Variants in ZNF606 observed in about 807,000 individuals in gnomAD.
ZNF606 encodes the protein zinc finger protein 328.
In ZNF606, 37 loss-of-function variants were observed where a neutral mutation model predicts 74.9. The observed-to-expected ratio is 0.49, with a 90% CI of 0.38 to 0.65. The LOEUF (loss-of-function observed/expected upper bound fraction) is 0.65. Among genes scored for constraint, ZNF606 ranks in the 30% least tolerant of loss-of-function variants. ZNF606 has a pLI of 0.00. For synonymous variants in ZNF606, 328 were observed against 312.4 expected (o/e 1.05, Z -0.53); for missense variants, 852 against 952.9 (o/e 0.89, Z 1.39).
chr19:57,991,743 G>A (rs1224130168), intron 4 of ZNF606, among the ~76,000 whole-genome samples: 2 of 151,830 alleles, frequency 1.3e-5, no homozygotes, highest in East Asian at 3.9e-4. Flanking sequence ...TCGCACTACT[G>A]CACTCCAGCC....
Position 57,978,451 on chromosome 19 carries a change from T to C in ZNF606, c.2229A>G (p.Lys743=), listed in dbSNP as rs770328470. 1.9e-6 allele frequency: 3 copies of C among 1,613,966 alleles called. No individual in the cohort carries two copies. In the East Asian group the frequency reaches 6.7e-5, roughly 36 times the overall value. Residue 743 remains lysine (K), a synonymous_variant, in exon 7 of 7, where the codon AAA becomes AAG. Transcript: ENST00000551380. This position sits in a 1 kb window ranked among gnomAD's most constrained non-coding sequence, Gnocchi z 4.4. ...EKPYKCNHCE[K]AFCKNSSLII... is the part of the protein sequence containing the mutation. ...TAAGGGAAGAATTCTTACAAAATGC[T>C]TTTTCACAATGATTACATTTGTAGG... is the stretch of plus-strand genomic sequence containing the variant.
At chr19:57,980,310 C>T in intron 6 of ZNF606, 31 bp from the exon 7 acceptor site, 1 of 1,563,778 alleles carries the variant, frequency 6.4e-7, no homozygotes, top group Non-Finnish European at 8.6e-7. Flanking sequence ...GCTATGAGAG[C>T]ATAGAGAAAG....
Position 57,978,330 on chromosome 19 carries a change from T to C in ZNF606, c.2350A>G (p.Arg784Gly). 6.3e-7 allele frequency: 1 copy of C among 1,576,092 alleles called. No individual in the cohort carries two copies. Among genetic ancestry groups the C allele is most frequent in the Non-Finnish European group, 8.6e-7 (1 of 1,160,292 alleles). Residue 784 changes from arginine (R) to glycine (G), a missense_variant, in exon 7 of 7, where the codon AGA becomes GGA. Physicochemically the swap from Arg to Gly is moderately radical, Grantham distance 125. Coordinates refer to ENST00000551380, the MANE Select transcript of ZNF606 (RefSeq NM_001348022.3). The surrounding 1 kb of genome is among the most constrained non-coding windows in gnomAD (Gnocchi z 4.4). The part of the protein sequence containing the change: ...SGHSALLQHQ[R>G]NHSEEKLN ...TTCAGTTTCTCTTCACTGTGATTTC[T>C]CTGGTGTTGAAGTAGGGCTGAGTGA...
chr19:57,985,441 C>A (rs376792153), intron 6 of ZNF606, among the ~76,000 whole-genome samples: 15 of 152,264 alleles, frequency 9.9e-5, no homozygotes, highest in Admixed American at 7.2e-4. Context: ...CATAGTGTTA[C>A]AAAACCTCTA....
At position 57,979,689 on chromosome 19, in the gene ZNF606, A is replaced by T; in HGVS notation, c.991T>A (p.Ser331Thr). The part of the protein sequence containing the change: ...ECHQIFNQSP[S>T]FNEHPRLHVG... Reference sequence around the variant, plus strand: ...TGAAGCCTTGGGTGTTCATTAAATGATGGGCTCTGGTTAAAGATTTGATGG... The same window carrying T: ...TGAAGCCTTGGGTGTTCATTAAATGTTGGGCTCTGGTTAAAGATTTGATGG... The change falls in exon 7 of 7, where the codon TCA (serine) becomes ACA (threonine). Residue 331 changes from serine (S) to threonine (T), a missense_variant. Coordinates refer to ENST00000551380, the MANE Select transcript of ZNF606 (RefSeq NM_001348022.3). 1 of 1,613,702 alleles carries T rather than the reference A, an allele frequency of 6.2e-7. No individual in the cohort carries two copies. Among genetic ancestry groups the T allele is most frequent in the Non-Finnish European group, 8.5e-7 (1 of 1,179,954 alleles).
chr19:57,979,114 G>C lies in ZNF606; in HGVS notation c.1566C>G (p.Ser522Arg), dbSNP rs1205920901. ...FECTECGKSFSWSSHLIAHMR... is the reference protein window; with the variant it reads ...FECTECGKSFRWSSHLIAHMR... ...TATGGGCAATAAGATGGGAGCTCCA[G>C]CTGAATGATTTCCCACATTCAGTAC... Residue 522 changes from serine to arginine, a missense_variant, in exon 7 of 7, where the codon AGC becomes AGG. This residue lies in a region of ZNF606 where 243 missense variants were observed against 359.2 expected (regional missense o/e 0.68). Coordinates refer to ENST00000551380, the MANE Select transcript of ZNF606 (RefSeq NM_001348022.3). The C allele has an allele frequency of 1.2e-6, 2 of 1,614,092 alleles. No individual in the cohort carries two copies. Among genetic ancestry groups the C allele is most frequent in the Non-Finnish European group, 1.7e-6 (2 of 1,180,006 alleles).
At chr19:57,994,182 G>C (rs1007997714) in intron 4 of ZNF606, among the ~76,000 whole-genome samples, 10 of 152,068 alleles carry the variant, frequency 6.6e-5, no homozygotes, top group African/African-American at 2.2e-4. Context: ...CACAGACTAA[G>C]AAAAGAACAG....
chr19:57,979,207 T>C lies in ZNF606; in HGVS notation c.1473A>G (p.Lys491=), dbSNP rs758835713. 5.0e-6 allele frequency: 8 copies of C among 1,613,802 alleles called. No homozygotes were observed. Among genetic ancestry groups the C allele is most frequent in the Non-Finnish European group, 6.8e-6 (8 of 1,179,920 alleles). Residue 491 remains lysine, a synonymous_variant, in exon 7 of 7, where the codon AAA becomes AAG. Coordinates refer to ENST00000551380, the MANE Select transcript of ZNF606 (RefSeq NM_001348022.3). The part of the protein sequence containing the change: ...EKPYVCNECG[K]SFNWNSHLIG... ...TAAGATGAGAGTTCCAGTTGAAAGA[T>C]TTCCCACACTCATTACAAACATAAG...
At position 58,000,736 on chromosome 19, in the gene ZNF606, G is replaced by A. The variant is rs2073413145; in HGVS notation, c.35C>T (p.Ala12Val). 1.9e-6 allele frequency: 3 copies of A among 1,589,448 alleles called. No homozygotes were observed. The highest frequency in any genetic ancestry group is 2.6e-6 in the Non-Finnish European group (3 of 1,165,810). ...AAINPWASWGALTDQSWGMTA... is the reference protein window; with the variant it reads ...AAINPWASWGVLTDQSWGMTA... ...CATCCCCCAAGATTGGTCCGTAAGG[G>A]CACCTGCACAGAAGGATCAGGTTAG... is the stretch of plus-strand genomic sequence containing the variant. Residue 12 changes from alanine to valine, a missense_variant, in exon 3 of 7, where the codon GCC becomes GTC. By Grantham distance (64) the Ala-to-Val change is moderately conservative. Around this residue, in one of 3 missense-constraint regions of ZNF606, gnomAD observed 545 missense variants for 542.5 expected, o/e 1.00. Transcript: ENST00000551380.
chr19:58,002,564 T>C lies in ZNF606; in HGVS notation c.-220A>G, dbSNP rs919196886. The C allele has an allele frequency of 2.3e-6, 1 of 429,536 alleles. No homozygotes were observed. The highest frequency in any genetic ancestry group is 1.6e-5 in the South Asian group (1 of 61,002). 26.6% of individuals were successfully genotyped at this position (429,536 alleles called of 1,614,324 possible). ...CCCGCGGAGCCGACGTGCAGCAGAG[T>C]TCACCCAGGCCCGTCCGACCAGAAA... On this transcript the variant is annotated 5_prime_UTR_variant, in exon 1 of 7. Transcript: ENST00000551380.
At chr19:57,981,572 T>A (rs555750369) in intron 6 of ZNF606, among the ~76,000 whole-genome samples, 2 of 152,174 alleles carry the variant, frequency 1.3e-5, no homozygotes, top group African/African-American at 4.8e-5. Flanking sequence ...AATGTCCTTC[T>A]ACTCCCATAT....
chr19:57,986,735 T>C (rs910734293), intron 6 of ZNF606, among the ~76,000 whole-genome samples: 2 of 152,132 alleles, frequency 1.3e-5, no homozygotes, highest in Non-Finnish European at 2.9e-5. Flanking sequence ...AAAGTTTTGG[T>C]ATACTATTAA....
At chr19:57,994,890 A>C (rs10439086) in intron 4 of ZNF606, among the ~76,000 whole-genome samples, 4,490 of 152,190 alleles carry the variant, frequency 0.03, 249 homozygotes, top group African/African-American at 0.1. Flanking sequence ...GTAACACTGA[A>C]AGTATATACC....
chr19:57,991,195 T>C (rs1170432144), intron 4 of ZNF606, among the ~76,000 whole-genome samples: 2 of 152,224 alleles, frequency 1.3e-5, no homozygotes, highest in African/African-American at 2.4e-5. Flanking sequence ...ATTTTTTCTT[T>C]ATATTTATCA....
At chr19:57,980,641 C>T (rs979201614) in intron 6 of ZNF606, among the ~76,000 whole-genome samples, 1 of 152,088 alleles carries the variant, frequency 6.6e-6, no homozygotes, top group African/African-American at 2.4e-5. Context: ...CAAGACCATC[C>T]TGGCTAACAC....
rs1439487117 is a variant in ZNF606, at chr19:57,980,299, A to G, written c.401-20T>C. On this transcript the variant is annotated intron_variant, in intron 6 of 6. Coordinates refer to ENST00000551380, the MANE Select transcript of ZNF606 (RefSeq NM_001348022.3). ...CCCATTCTGAAACAGACAGAAAAAA[A>G]GCTATGAGAGCATAGAGAAAGACAT... 2 of 1,577,860 alleles carry G rather than the reference A, an allele frequency of 1.3e-6. No homozygotes were observed. The highest frequency in any genetic ancestry group is 2.4e-5 in the South Asian group (2 of 84,388).
chr19:57,999,507 A>C, intron 4 of ZNF606: 1 of 492,254 alleles, frequency 2.0e-6, no homozygotes, highest in Non-Finnish European at 3.6e-6. Flanking sequence ...TCGGGTGCTA[A>C]AGACATGAGT....
At position 57,977,330 on chromosome 19, in the gene ZNF606, T is replaced by G. The variant is rs1482916766; in HGVS notation, c.*971A>C. 1.3e-5 allele frequency: 2 copies of G among 152,204 alleles called. No homozygotes were observed. The highest frequency in any genetic ancestry group is 2.9e-5 in the Non-Finnish European group (2 of 68,028). The allele number at this position is 152,204 out of a possible 1,614,324, so 9.4% of individuals were successfully genotyped here. On this transcript the variant is annotated 3_prime_UTR_variant, in exon 7 of 7. Transcript: ENST00000551380. The stretch of plus-strand genomic sequence containing the variant: ...TCAGAGTAAAGGGGACTAAACAAGT[T>G]AACACTTGGAAAGCATTTAAAAGAA...
chr19:57,998,548 G>A (rs1321771822), intron 4 of ZNF606: 1 of 152,142 alleles, frequency 6.6e-6, no homozygotes, highest in African/African-American at 2.4e-5. Context: ...CTAGTGGTTG[G>A]GAGGGAGTAG....
Sources: gnomAD v4.1 joint callset for allele counts (sites outside exome capture counted in the v4.1 genomes callset) on GRCh38, gnomAD v4.1.1 for gene constraint, gnomAD v4.1.1 regional missense constraint, Gnocchi (gnomAD v3.1) non-coding constraint, MANE v1.5 for transcripts, NCBI Gene and HGNC (gene_info 2026-07-23, HGNC 2026-07-21) for gene names.